Variants in DLG2 observed in about 807,000 individuals in gnomAD.
DLG2 encodes the protein discs large MAGUK scaffold protein 2.
A neutral mutation model predicts 132.5 loss-of-function variants in DLG2; 45 were observed. The ratio of observed to expected loss-of-function variants is 0.34; its 90% CI spans 0.27 to 0.44. The LOEUF is 0.44. Ranked by LOEUF, DLG2 falls within the 20% of genes least tolerant of loss-of-function variation. The probability of loss-of-function intolerance (pLI) is 1.00; values close to 1 mark genes in which losing one functional copy is unlikely to be tolerated. For missense variants in DLG2, 1,045 were observed against 1,196.9 expected (o/e 0.87, Z 1.87); for synonymous variants, 424 against 419.6 (o/e 1.01, Z -0.13).
intron 3 of DLG2, among the ~76,000 whole-genome samples, chr11:85,501,478 A>G (rs888986064): frequency 6.6e-6 from 1 of 152,242 alleles, no homozygotes; most frequent in Admixed American, 6.5e-5. Context: ...CAGAGTGAAC[A>G]GGCAACCTAC....
At chr11:83,712,598 C>T (rs925437225) in intron 18 of DLG2, among the ~76,000 whole-genome samples, 3 of 152,118 alleles carry the variant, frequency 2.0e-5, no homozygotes, top group African/African-American at 4.8e-5. Context: ...CCACTTCACT[C>T]CAGCCTGGGC....
chr11:84,356,629 A>C (rs370449879), intron 7 of DLG2, among the ~76,000 whole-genome samples: 1 of 152,114 alleles, frequency 6.6e-6, no homozygotes, highest in Non-Finnish European at 1.5e-5. Flanking sequence ...AAATATATAA[A>C]GAGCTTAGAG....
chr11:84,786,771 G>T (rs2072965109), intron 6 of DLG2, among the ~76,000 whole-genome samples: 1 of 152,098 alleles, frequency 6.6e-6, no homozygotes. Context: ...ATCCTCAAAA[G>T]AACTACCATA....
At chr11:84,329,330 C>T (rs2098447912) in intron 7 of DLG2, among the ~76,000 whole-genome samples, 1 of 152,190 alleles carries the variant, frequency 6.6e-6, no homozygotes, top group African/African-American at 2.4e-5. Flanking sequence ...CAAATCTCAT[C>T]TTGAATTGTA....
In DLG2 at chr11:83,825,878, G is replaced by A. The variant is rs142518427; in HGVS notation, c.1722+7736C>T. Among the ~76,000 whole-genome samples, 782 of 152,288 alleles carry A rather than the reference G, an allele frequency of 5.1e-3. 13 individuals are homozygous for A. Among genetic ancestry groups the A allele is most frequent in the African/African-American group, 0.018 (739 of 41,542 alleles). ...CTGTGGCACTACGGCCATTCATTGT[G>A]TGGATGGGTGCCAGGGTTATGCCAA... On this transcript the variant is annotated intron_variant, in intron 17 of 27. Coordinates refer to ENST00000376104, the MANE Select transcript of DLG2 (RefSeq NM_001142699.3).
At chr11:84,822,908 C>T (rs1342045473) in intron 6 of DLG2, among the ~76,000 whole-genome samples, 2 of 152,016 alleles carry the variant, frequency 1.3e-5, no homozygotes, top group East Asian at 3.9e-4. Flanking sequence ...ATAATTATCT[C>T]AATTCCCTTG....
At chr11:84,411,866 T>A (rs2098906985) in intron 7 of DLG2, among the ~76,000 whole-genome samples, 1 of 152,192 alleles carries the variant, frequency 6.6e-6, no homozygotes. Flanking sequence ...CTGACTTTAT[T>A]CCTTGCTATA....
At position 84,026,583 on chromosome 11, in the gene DLG2, TA is replaced by T. The variant is rs554442932; in HGVS notation, c.919+32731del. Among the ~76,000 whole-genome samples the T allele has an allele frequency of 3.4e-5, 5 of 145,508 alleles. No individual in the cohort carries two copies. The East Asian group carries it at 1.0e-3, about 29-fold the overall frequency. On this transcript the variant is annotated intron_variant, in intron 11 of 27. Transcript: ENST00000376104. ...CTGTAAAGACACATAATGTTCTGTT[TA>T]ATCACCTTTACAGTTCCACACTTAT... is the stretch of plus-strand genomic sequence containing the variant.
intron 3 of DLG2, among the ~76,000 whole-genome samples, chr11:85,297,927 A>G (rs2079341591): frequency 6.6e-6 from 1 of 152,182 alleles, no homozygotes; most frequent in Non-Finnish European, 1.5e-5. Context: ...TAGGCTACAT[A>G]ATGTCTGAGC....
At chr11:83,615,905 T>C (rs2060729964) in intron 19 of DLG2, among the ~76,000 whole-genome samples, 1 of 152,200 alleles carries the variant, frequency 6.6e-6, no homozygotes, top group South Asian at 2.1e-4. Flanking sequence ...ATAGTGGACA[T>C]CTGATATACA....
chr11:84,947,214 T>C (rs886176707), intron 6 of DLG2, among the ~76,000 whole-genome samples: 6 of 152,184 alleles, frequency 3.9e-5, no homozygotes, highest in Admixed American at 2.6e-4. Context: ...TTTTGGTTCT[T>C]ATGAGGGTGC....
At chr11:85,004,841 G>C (rs1461404240) in intron 6 of DLG2, among the ~76,000 whole-genome samples, 1 of 152,056 alleles carries the variant, frequency 6.6e-6, no homozygotes, top group Non-Finnish European at 1.5e-5. Context: ...TTTTCTTCTA[G>C]GGTTTTTATG....
intron 12 of DLG2, among the ~76,000 whole-genome samples, chr11:83,967,931 G>A (rs2090559625): frequency 6.6e-6 from 1 of 152,120 alleles, no homozygotes; most frequent in Non-Finnish European, 1.5e-5. Context: ...TCTTTTGCAT[G>A]TGGAGATTCC....
At chr11:83,726,042 G>T (rs1486531647) in intron 18 of DLG2, among the ~76,000 whole-genome samples, 1 of 152,050 alleles carries the variant, frequency 6.6e-6, no homozygotes, top group Non-Finnish European at 1.5e-5. Flanking sequence ...GGAAAAAAAA[G>T]TCCCTCAAAT....
At chr11:84,533,235 G>A (rs1263337820) in intron 7 of DLG2, among the ~76,000 whole-genome samples, 1 of 152,208 alleles carries the variant, frequency 6.6e-6, no homozygotes, top group Admixed American at 6.5e-5. Context: ...GTTATGCACA[G>A]TGGATCTGCT....
At chr11:84,618,324 AG>A (rs1018926819) in intron 6 of DLG2, among the ~76,000 whole-genome samples, 13 of 152,188 alleles carry the variant, frequency 8.5e-5, no homozygotes, top group Admixed American at 8.5e-4. Context: ...TATATTAAAA[AG>A]TTCCCACTTC....
chr11:85,331,083 A>G (rs2081701591), intron 3 of DLG2, among the ~76,000 whole-genome samples: 1 of 152,230 alleles, frequency 6.6e-6, no homozygotes, highest in African/African-American at 2.4e-5. Flanking sequence ...ATGCCCAAGT[A>G]CAAAAATAAA....
intron 9 of DLG2, among the ~76,000 whole-genome samples, chr11:84,103,330 G>A (rs1375951747): frequency 6.6e-6 from 1 of 152,088 alleles, no homozygotes; most frequent in African/African-American, 2.4e-5. Flanking sequence ...TTGTCCCAGA[G>A]CCTGCCAGCT....
intron 8 of DLG2, among the ~76,000 whole-genome samples, chr11:84,181,875 C>T (rs148054405): frequency 6.6e-6 from 1 of 152,086 alleles, no homozygotes; most frequent in Non-Finnish European, 1.5e-5. Flanking sequence ...TGCCAAAATA[C>T]ATGGGGGTAA....
Sources: allele counts gnomAD v4.1 joint callset (sites outside exome capture counted in the v4.1 genomes callset), GRCh38; gene constraint gnomAD v4.1.1; transcripts MANE v1.5; gene names NCBI Gene and HGNC (gene_info 2026-07-23, HGNC 2026-07-21).